The following LPCAT2 variants were observed in gnomAD, a reference collection of about 807,000 sequenced individuals.
The protein encoded by LPCAT2 is lysophosphatidylcholine acyltransferase 2.
A neutral mutation model predicts 64.7 loss-of-function variants in LPCAT2; 58 were observed. The ratio of observed to expected loss-of-function variants is 0.90; its 90% CI spans 0.73 to 1.12. LPCAT2 has a LOEUF of 1.12. LPCAT2 is among the 50% of genes most tolerant of loss of function. LPCAT2 has a pLI of 0.00. For missense variants in LPCAT2, 579 were observed against 669.8 expected (o/e 0.86, Z 1.50); for synonymous variants, 252 against 245.3 (o/e 1.03, Z -0.26).
rs1246428631 is a variant in LPCAT2, at chr16:55,531,989, A to G, written c.703+15A>G. 1.4e-6 allele frequency: 2 copies of G among 1,455,908 alleles called. No homozygotes were observed. Among genetic ancestry groups the G allele is most frequent in the East Asian group, 2.3e-5 (1 of 43,998 alleles). 90.2% of individuals were successfully genotyped at this position (1,455,908 alleles called of 1,614,324 possible). On this transcript the variant is annotated intron_variant, in intron 5 of 13. Coordinates refer to ENST00000262134, the MANE Select transcript of LPCAT2 (RefSeq NM_017839.5). Reference sequence around the variant, plus strand: ...TTTTAAACCAGGTGAGAAAAATTAAATTATGTATTCTAACAAAGTAATATG... The same window carrying G: ...TTTTAAACCAGGTGAGAAAAATTAAGTTATGTATTCTAACAAAGTAATATG...
intron 11 of LPCAT2, among the ~76,000 whole-genome samples, chr16:55,568,680 T>C (rs1865325927): frequency 1.3e-5 from 2 of 152,134 alleles, no homozygotes; most frequent in South Asian, 4.1e-4. Context: ...TTGATTGCTT[T>C]GAAGTAGGGC....
intron 9 of LPCAT2, 77 bp downstream of exon 9, chr16:55,545,894 A>T (rs1963448376): frequency 8.4e-7 from 1 of 1,184,962 alleles, no homozygotes; most frequent in Non-Finnish European, 1.2e-6. Context: ...CATTTTAAGG[A>T]TTTTTTTTTG....
At chr16:55,570,137 CT>C (rs1963753024) in intron 11 of LPCAT2, among the ~76,000 whole-genome samples, 1 of 152,200 alleles carries the variant, frequency 6.6e-6, no homozygotes, top group South Asian at 2.1e-4. Context: ...GTAACTTTAT[CT>C]TGATATAATC....
At chr16:55,519,540 T>A (rs1217566035) in intron 1 of LPCAT2, among the ~76,000 whole-genome samples, 38 of 149,058 alleles carry the variant, frequency 2.5e-4, no homozygotes, top group African/African-American at 8.8e-4. Context: ...AGAGAAATGG[T>A]AAAGAACATT....
chr16:55,570,183 A>C (rs1230139928), intron 11 of LPCAT2, among the ~76,000 whole-genome samples: 1 of 152,222 alleles, frequency 6.6e-6, no homozygotes, highest in Non-Finnish European at 1.5e-5. Context: ...AAGGAAAAAG[A>C]ATCATGTGCT....
intron 1 of LPCAT2, among the ~76,000 whole-genome samples, chr16:55,517,850 A>G (rs80152851): frequency 0.029 from 4,390 of 152,318 alleles, 116 homozygotes; most frequent in African/African-American, 0.065. Flanking sequence ...AATAGCTAAC[A>G]TACTTAATAG....
chr16:55,538,679 C>CAAAAAAAAAAAAAAAAAAA (rs3040226), intron 8 of LPCAT2: 1 of 90,872 alleles, frequency 1.1e-5, no homozygotes, highest in Non-Finnish European at 2.3e-5. Context: ...TCACTGTGGC[C>CAAAAAAAAAAAAAAAAAAA]AAAAAAAAAA....
chr16:55,510,129 T>C (rs1962910268), intron 1 of LPCAT2, among the ~76,000 whole-genome samples: 1 of 150,612 alleles, frequency 6.6e-6, no homozygotes, highest in Non-Finnish European at 1.5e-5. Context: ...AGGAGCATGA[T>C]GGAGGGTGGG....
chr16:55,562,724 T>C (rs2142409143), intron 11 of LPCAT2, among the ~76,000 whole-genome samples: 1 of 151,966 alleles, frequency 6.6e-6, no homozygotes, highest in Admixed American at 6.5e-5. Context: ...GATTGAATCA[T>C]TTGAAGTAAG....
chr16:55,552,835 T>C (rs1354322593), intron 11 of LPCAT2, among the ~76,000 whole-genome samples: 2 of 150,422 alleles, frequency 1.3e-5, no homozygotes, highest in Non-Finnish European at 2.9e-5. Flanking sequence ...TGATGTGTGC[T>C]GACTCATCAG....
chr16:55,523,307 A>G (rs1222189438), intron 1 of LPCAT2, among the ~76,000 whole-genome samples: 3 of 151,764 alleles, frequency 2.0e-5, no homozygotes, highest in Non-Finnish European at 4.4e-5. Context: ...TGACCATACC[A>G]TATGTTGGTG....
chr16:55,551,162 A>G, intron 11 of LPCAT2, 60 bp downstream of exon 11: 1 of 1,433,390 alleles, frequency 7.0e-7, no homozygotes, highest in Non-Finnish European at 9.4e-7. Context: ...GAGTAAATCA[A>G]TATGGTAGGC....
intron 11 of LPCAT2, among the ~76,000 whole-genome samples, chr16:55,558,267 A>G (rs944541837): frequency 6.6e-6 from 1 of 152,240 alleles, no homozygotes; most frequent in Non-Finnish European, 1.5e-5. Context: ...GGAAATTTTT[A>G]CACTGGCTAA....
At chr16:55,532,139 T>C (rs572011917) in intron 5 of LPCAT2, 165 bp downstream of exon 5, 1 of 574,056 alleles carries the variant, frequency 1.7e-6, no homozygotes, top group Admixed American at 3.0e-5. Flanking sequence ...TGCTTTGCTT[T>C]CTCTTTTGGG....
chr16:55,529,158 C>G (rs1043544760), intron 3 of LPCAT2, among the ~76,000 whole-genome samples: 43 of 152,150 alleles, frequency 2.8e-4, no homozygotes, highest in Non-Finnish European at 7.4e-5. Flanking sequence ...TGGTCTCCCT[C>G]AAGAATTGTC....
chr16:55,581,181 T>A (rs999886175), intron 13 of LPCAT2, among the ~76,000 whole-genome samples: 1 of 152,182 alleles, frequency 6.6e-6, no homozygotes, highest in Admixed American at 6.5e-5. Flanking sequence ...AGTCTTGAAA[T>A]TAAAGTTCTT....
chr16:55,562,779 A>AC (rs1217669849), intron 11 of LPCAT2, among the ~76,000 whole-genome samples: 1 of 151,616 alleles, frequency 6.6e-6, no homozygotes, highest in African/African-American at 2.4e-5. Flanking sequence ...CGAAATTGAG[A>AC]CCCCCAAATG....
intron 1 of LPCAT2, among the ~76,000 whole-genome samples, chr16:55,510,965 A>AC (rs1424711178): frequency 4.6e-5 from 7 of 152,216 alleles, no homozygotes; most frequent in Admixed American, 3.9e-4. Flanking sequence ...GTTACTGTTT[A>AC]AAGATCTCTT....
intron 1 of LPCAT2, among the ~76,000 whole-genome samples, chr16:55,519,508 C>A (rs370879509): frequency 9.2e-3 from 1,140 of 123,368 alleles, no homozygotes; most frequent in Non-Finnish European, 0.011. Flanking sequence ...GACTCCATCA[C>A]AAAAAAAAAA....
Sources: allele counts gnomAD v4.1 joint callset (sites outside exome capture counted in the v4.1 genomes callset), GRCh38; gene constraint gnomAD v4.1.1; transcripts MANE v1.5; gene names NCBI Gene and HGNC (gene_info 2026-07-23, HGNC 2026-07-21).